Variants in TAF1L observed in about 807,000 individuals in gnomAD.
TAF1L encodes TATA-box binding protein associated factor 1 like.
A neutral mutation model predicts 128.8 loss-of-function variants in TAF1L; 30 were observed. That is an observed-to-expected ratio of 0.23 (90% confidence interval 0.17 to 0.32). The LOEUF (loss-of-function observed/expected upper bound fraction) is 0.32, where lower values mean the gene tolerates loss of function less well. Among genes scored for constraint, TAF1L ranks in the 10% least tolerant of loss-of-function variants. The pLI, the probability that TAF1L is intolerant of heterozygous loss-of-function variation, is 1.00. For synonymous variants in TAF1L, 764 were observed against 790.7 expected, an observed-to-expected ratio of 0.97 and a Z score of 0.57; for missense variants, 2,099 against 2,253.7, an observed-to-expected ratio of 0.93 and a Z score of 1.39.
Position 32,634,593 on chromosome 9 carries a change from T to C in TAF1L, c.987A>G (p.Glu329=), listed in dbSNP as rs758055065. The change falls in exon 1 of 1, where the codon GAA becomes GAG. Residue 329 remains glutamate (E), a synonymous_variant. Transcript: ENST00000242310. Reference sequence around the variant, plus strand: ...ACTCCACAGGAACCATCATCGTGATTTCATCATCAGCGAGACACTGCTCTG... The same window carrying C: ...ACTCCACAGGAACCATCATCGTGATCTCATCATCAGCGAGACACTGCTCTG... ...PPPEQCLADD[E]ITMMVPVESK... The C allele has an allele frequency of 9.9e-6, 16 of 1,614,058 alleles. No individual in the cohort carries two copies. The African/African-American group carries it at 1.6e-4, about 16-fold the overall frequency.
Position 32,630,535 on chromosome 9 carries a change from G to A in TAF1L, c.5045C>T (p.Ser1682Phe), listed in dbSNP as rs1202949606. The change falls in exon 1 of 1, where the codon TCT becomes TTT. Residue 1682 changes from serine to phenylalanine, a missense_variant. Coordinates refer to ENST00000242310, the MANE Select transcript of TAF1L (RefSeq NM_153809.2). ...NTSLSTSRDA[S>F]VFQDESNLSV... ...CAAATTGCTCTCATCTTGAAATACA[G>A]AGGCATCTCGAGACGTACTGAGGGA... is the stretch of plus-strand genomic sequence containing the variant. The A allele has an allele frequency of 3.1e-6, 5 of 1,614,074 alleles. No homozygotes were observed. The Admixed American group carries it at 5.0e-5, about 16-fold the overall frequency.
chr9:32,630,062 C>T lies in TAF1L; in HGVS notation c.*37G>A, dbSNP rs1489400374. 6.2e-7 allele frequency: 1 copy of T among 1,611,550 alleles called. No individual in the cohort carries two copies. Among genetic ancestry groups the T allele is most frequent in the East Asian group, 2.2e-5 (1 of 44,848 alleles). On this transcript the variant is annotated 3_prime_UTR_variant, in exon 1 of 1. Coordinates refer to ENST00000242310, the MANE Select transcript of TAF1L (RefSeq NM_153809.2). ...TGCTATCCTCCAAATCATGGGAAGC[C>T]TCCCCACCGTCTCCCTCATGGGACA...
In TAF1L at chr9:32,632,321, G is replaced by C; in HGVS notation, c.3259C>G (p.Arg1087Gly). The change falls in exon 1 of 1, where the codon CGT becomes GGT. Residue 1087 changes from arginine to glycine, a missense_variant. Transcript: ENST00000242310. The surrounding 1 kb of genome is among the most constrained non-coding windows in gnomAD (Gnocchi z 4.4). ...ACCTTGTTCTGTAGGTCAAAGATAC[G>C]CTGACATTCCTCTTTGTAACGCTCT... Reference protein sequence around the residue: ...HQERYKEECQRIFDLQNKVLS... With the variant: ...HQERYKEECQGIFDLQNKVLS... 2 of 1,614,174 alleles carry C rather than the reference G, an allele frequency of 1.2e-6. No homozygotes were observed. The highest frequency in any genetic ancestry group is 1.7e-6 in the Non-Finnish European group (2 of 1,180,042).
At position 32,630,718 on chromosome 9, in the gene TAF1L, T is replaced by C; in HGVS notation, c.4862A>G (p.Gln1621Arg). ...ATGCTCATCATACTCAGTAATTGTC[T>C]GGTAACAGATGTTCACAATCTCCTG... ...TAQEIVNICY[Q>R]TITEYDEHLT... is the part of the protein sequence containing the mutation. The change falls in exon 1 of 1, where the codon CAG becomes CGG. Residue 1621 changes from glutamine (Q) to arginine (R), a missense_variant. Physicochemically the swap from Gln to Arg is conservative, Grantham distance 43. Transcript: ENST00000242310. 1 of 1,614,224 alleles carries C rather than the reference T, an allele frequency of 6.2e-7. No homozygotes were observed. Among genetic ancestry groups the C allele is most frequent in the Non-Finnish European group, 8.5e-7 (1 of 1,180,042 alleles).
Position 32,630,081 on chromosome 9 carries a change from T to C in TAF1L, c.*18A>G. 2 of 1,613,948 alleles carry C rather than the reference T, an allele frequency of 1.2e-6. No homozygotes were observed. The highest frequency in any genetic ancestry group is 8.5e-7 in the Non-Finnish European group (1 of 1,179,924). On this transcript the variant is annotated 3_prime_UTR_variant, in exon 1 of 1. Transcript: ENST00000242310. ...GGAAGCCTCCCCACCGTCTCCCTCA[T>C]GGGACATCATGCTTTCTTCATTTTC...
chr9:32,635,646 A>G lies in TAF1L; in HGVS notation c.-67T>C. 1 of 1,186,812 alleles carries G rather than the reference A, an allele frequency of 8.4e-7. No individual in the cohort carries two copies. Among genetic ancestry groups the G allele is most frequent in the Non-Finnish European group, 1.1e-6 (1 of 907,504 alleles). 73.5% of individuals were successfully genotyped at this position (1,186,812 alleles called of 1,614,324 possible). ...TAGCTCCCTTACCCTACCAGCGTCT[A>G]CCGGAAGCTGAATAAAGGCGGGGGG... On this transcript the variant is annotated 5_prime_UTR_variant, in exon 1 of 1. Coordinates refer to ENST00000242310, the MANE Select transcript of TAF1L (RefSeq NM_153809.2).
rs1037494231 is a variant in TAF1L, at chr9:32,631,658, G to A, written c.3922C>T (p.Pro1308Ser). ...CPLYYQTNVP[P>S]SKPVAMTEEQ... ...TCTGTCATGGCAACAGGTTTCGAAG[G>A]TGGCACATTTGTTTGATAATAGAGG... Residue 1308 changes from proline to serine, a missense_variant, in exon 1 of 1, where the codon CCT (proline) becomes TCT (serine). By Grantham distance (74) the Pro-to-Ser change is moderately conservative. This residue lies in a region of TAF1L where 1,213 missense variants were observed against 1,391.4 expected (regional missense o/e 0.87). Coordinates refer to ENST00000242310, the MANE Select transcript of TAF1L (RefSeq NM_153809.2). The surrounding 1 kb of genome is among the most constrained non-coding windows in gnomAD (Gnocchi z 4.1). 6.2e-7 allele frequency: 1 copy of A among 1,614,124 alleles called. No individual in the cohort carries two copies. The highest frequency in any genetic ancestry group is 8.5e-7 in the Non-Finnish European group (1 of 1,180,026).
Position 32,633,061 on chromosome 9 carries a change from C to T in TAF1L, c.2519G>A (p.Arg840Gln), listed in dbSNP as rs546961616. The change falls in exon 1 of 1, where the codon CGG (arginine) becomes CAG (glutamine). Residue 840 changes from arginine (R) to glutamine (Q), a missense_variant. Arg to Gln is a conservative substitution (Grantham distance 43). Transcript: ENST00000242310. ...IYRLFWKSKD[R>Q]PRRIRMEDIK... Reference sequence around the variant, plus strand: ...ATCTTCCATTCGTATCCTCCGTGGCCGATCTTTACTCTTCCAGAAAAGGCG... The same window carrying T: ...ATCTTCCATTCGTATCCTCCGTGGCTGATCTTTACTCTTCCAGAAAAGGCG... 3.7e-6 allele frequency: 6 copies of T among 1,614,004 alleles called. No homozygotes were observed. Among genetic ancestry groups the T allele is most frequent in the African/African-American group, 2.7e-5 (2 of 74,874 alleles).
At position 32,633,112 on chromosome 9, in the gene TAF1L, C is replaced by T. The variant is rs756140610; in HGVS notation, c.2468G>A (p.Arg823Gln). 11 of 1,614,168 alleles carry T rather than the reference C, an allele frequency of 6.8e-6. No homozygotes were observed. The highest frequency in any genetic ancestry group is 1.7e-5 in the Admixed American group (1 of 60,018). Residue 823 changes from arginine (R) to glutamine (Q), a missense_variant, in exon 1 of 1, where the codon CGA (arginine) becomes CAA (glutamine). This residue lies in a region of TAF1L where 1,213 missense variants were observed against 1,391.4 expected (regional missense o/e 0.87). Transcript: ENST00000242310. ...PNSRRANMHI[R>Q]DFLQVFIYRL... Reference sequence around the variant, plus strand: ...GTAAATAAAAACCTGTAGAAAGTCTCGAATATGCATATTGGCCCTTCTGGA... The same window carrying T: ...GTAAATAAAAACCTGTAGAAAGTCTTGAATATGCATATTGGCCCTTCTGGA...
In TAF1L at chr9:32,634,576, G is replaced by A. The variant is rs1458155836; in HGVS notation, c.1004C>T (p.Pro335Leu). The change falls in exon 1 of 1, where the codon CCT becomes CTT. Residue 335 changes from proline to leucine, a missense_variant. Around this residue, in one of 4 missense-constraint regions of TAF1L, gnomAD observed 473 missense variants for 429.6 expected, o/e 1.10. Coordinates refer to ENST00000242310, the MANE Select transcript of TAF1L (RefSeq NM_153809.2). ...LADDEITMMVPVESKFSQSTG... is the reference protein window; with the variant it reads ...LADDEITMMVLVESKFSQSTG... The stretch of plus-strand genomic sequence containing the variant: ...TGATTGGGAAAATTTGGACTCCACA[G>A]GAACCATCATCGTGATTTCATCATC... 1 of 1,614,038 alleles carries A rather than the reference G, an allele frequency of 6.2e-7. No individual in the cohort carries two copies. The highest frequency in any genetic ancestry group is 8.5e-7 in the Non-Finnish European group (1 of 1,180,044).
Position 32,633,288 on chromosome 9 carries a change from G to A in TAF1L, c.2292C>T (p.Asn764=). Residue 764 remains asparagine, a synonymous_variant, in exon 1 of 1, where the codon AAC becomes AAT. Coordinates refer to ENST00000242310, the MANE Select transcript of TAF1L (RefSeq NM_153809.2). ...GATACACTGGAGCACGAAAAAGGTTGTTCTCAAGTGCCTGCAGTAATTGGC... is the reference window on the plus strand; with the variant it reads ...GATACACTGGAGCACGAAAAAGGTTATTCTCAAGTGCCTGCAGTAATTGGC... The part of the protein sequence containing the change: ...HPGQLLQALE[N]NLFRAPVYLH... 1 of 1,614,216 alleles carries A rather than the reference G, an allele frequency of 6.2e-7. No individual in the cohort carries two copies. The highest frequency in any genetic ancestry group is 8.5e-7 in the Non-Finnish European group (1 of 1,180,046).
rs1822503943 is a variant in TAF1L at position 32,630,547 on chromosome 9, G to C, written c.5033C>G (p.Ser1678Cys). The change falls in exon 1 of 1, where the codon TCT (serine) becomes TGT (cysteine). Residue 1678 changes from serine to cysteine, a missense_variant. Coordinates refer to ENST00000242310, the MANE Select transcript of TAF1L (RefSeq NM_153809.2). ...ATCTTGAAATACAGAGGCATCTCGAGACGTACTGAGGGATGTGTTGGTATC... is the reference window on the plus strand; with the variant it reads ...ATCTTGAAATACAGAGGCATCTCGACACGTACTGAGGGATGTGTTGGTATC... ...MYDTNTSLSTSRDASVFQDES... is the reference protein window; with the variant it reads ...MYDTNTSLSTCRDASVFQDES... 6.2e-7 allele frequency: 1 copy of C among 1,614,214 alleles called. No homozygotes were observed. The highest frequency in any genetic ancestry group is 8.5e-7 in the Non-Finnish European group (1 of 1,180,054).
Position 32,632,573 on chromosome 9 carries a change from C to A in TAF1L, c.3007G>T (p.Val1003Leu). Residue 1003 changes from valine to leucine, a missense_variant, in exon 1 of 1, where the codon GTG (valine) becomes TTG (leucine). By Grantham distance (32) the Val-to-Leu change is conservative. Transcript: ENST00000242310. The surrounding 1 kb of genome is among the most constrained non-coding windows in gnomAD (Gnocchi z 4.4). ...QQKDDKEPQA[V>L]KKTVTGTDAD... ...TCTGTTCCTGTCACTGTCTTCTTCA[C>A]TGCCTGTGGCTCTTTATCATCCTTC... 3.7e-6 allele frequency: 6 copies of A among 1,614,250 alleles called. No individual in the cohort carries two copies. Among genetic ancestry groups the A allele is most frequent in the Non-Finnish European group, 5.1e-6 (6 of 1,180,052 alleles).
rs769507821 is a variant in TAF1L at position 32,634,245 on chromosome 9, T to C, written c.1335A>G (p.Thr445=). The C allele has an allele frequency of 6.2e-7, 1 of 1,614,226 alleles. No homozygotes were observed. The highest frequency in any genetic ancestry group is 8.5e-7 in the Non-Finnish European group (1 of 1,180,038). The part of the protein sequence containing the change: ...WDGEDIKHKG[T]KPQGASLAGW... ...CTGCCAGGCTTGCACCCTGAGGTTT[T>C]GTCCCTTTGTGTTTGATATCCTCCC... The change falls in exon 1 of 1, where the codon ACA becomes ACG. Residue 445 remains threonine, a synonymous_variant. Transcript: ENST00000242310.
rs1353537232 is a variant in TAF1L at position 32,631,625 on chromosome 9, C to T, written c.3955G>A (p.Glu1319Lys). The T allele has an allele frequency of 6.2e-7, 1 of 1,614,204 alleles. No homozygotes were observed. Among genetic ancestry groups the T allele is most frequent in the Non-Finnish European group, 8.5e-7 (1 of 1,180,036 alleles). Reference protein sequence around the residue: ...SKPVAMTEEQEEELEKTVIHN... With the variant: ...SKPVAMTEEQKEELEKTVIHN... ...ATGACTGTCTTTTCCAACTCCTCCT[C>T]CTGCTCTTCTGTCATGGCAACAGGT... is the stretch of plus-strand genomic sequence containing the variant. Residue 1319 changes from glutamate to lysine, a missense_variant, in exon 1 of 1, where the codon GAG becomes AAG. This residue lies in a region of TAF1L where 1,213 missense variants were observed against 1,391.4 expected (regional missense o/e 0.87). Coordinates refer to ENST00000242310, the MANE Select transcript of TAF1L (RefSeq NM_153809.2). The surrounding 1 kb of genome is among the most constrained non-coding windows in gnomAD (Gnocchi z 4.1).
Position 32,634,265 on chromosome 9 carries a change from C to A in TAF1L, c.1315G>T (p.Asp439Tyr). The A allele has an allele frequency of 6.2e-7, 1 of 1,614,180 alleles. No homozygotes were observed. Among genetic ancestry groups the A allele is most frequent in the Non-Finnish European group, 8.5e-7 (1 of 1,180,032 alleles). ...GGTTTTGTCCCTTTGTGTTTGATAT[C>A]CTCCCCATCCCAGATGATAGAATCC... The part of the protein sequence containing the change: ...WEDSIIWDGE[D>Y]IKHKGTKPQG... Residue 439 changes from aspartate (D) to tyrosine (Y), a missense_variant, in exon 1 of 1, where the codon GAT (aspartate) becomes TAT (tyrosine). Asp to Tyr is a radical substitution (Grantham distance 160, BLOSUM62 -3). Coordinates refer to ENST00000242310, the MANE Select transcript of TAF1L (RefSeq NM_153809.2).
chr9:32,633,319 T>G lies in TAF1L; in HGVS notation c.2261A>C (p.His754Pro). 1.9e-6 allele frequency: 3 copies of G among 1,614,240 alleles called. No homozygotes were observed. Among genetic ancestry groups the G allele is most frequent in the Non-Finnish European group, 2.5e-6 (3 of 1,180,048 alleles). ...CHTSPFLGSLHPGQLLQALEN... is the reference protein window; with the variant it reads ...CHTSPFLGSLPPGQLLQALEN... ...AAGTGCCTGCAGTAATTGGCCAGGATGGAGAGAGCCCAAGAAAGGAGATGT... is the reference window on the plus strand; with the variant it reads ...AAGTGCCTGCAGTAATTGGCCAGGAGGGAGAGAGCCCAAGAAAGGAGATGT... Residue 754 changes from histidine (H) to proline (P), a missense_variant, in exon 1 of 1, where the codon CAT (histidine) becomes CCT (proline). His to Pro is a moderately conservative substitution (Grantham distance 77). This residue lies in a region of TAF1L where 1,213 missense variants were observed against 1,391.4 expected (regional missense o/e 0.87). Coordinates refer to ENST00000242310, the MANE Select transcript of TAF1L (RefSeq NM_153809.2).
rs1276672131 is a variant in TAF1L, at chr9:32,635,357, T to G, written c.223A>C (p.Ser75Arg). Residue 75 changes from serine to arginine, a missense_variant, in exon 1 of 1, where the codon AGC becomes CGC. Physicochemically the swap from Ser to Arg is moderately radical, Grantham distance 110 (BLOSUM62 -1). This residue lies in a region of TAF1L where 473 missense variants were observed against 429.6 expected (regional missense o/e 1.10). Transcript: ENST00000242310. The part of the protein sequence containing the change: ...LAGLGALGLG[S>R]LITELTANEE... Reference sequence around the variant, plus strand: ...TTTGCCGTGAGTTCAGTGATTAGGCTGCCCAGCCCCAAAGCCCCCAAGCCT... The same window carrying G: ...TTTGCCGTGAGTTCAGTGATTAGGCGGCCCAGCCCCAAAGCCCCCAAGCCT... 3.1e-6 allele frequency: 5 copies of G among 1,614,066 alleles called. No individual in the cohort carries two copies. The highest frequency in any genetic ancestry group is 3.4e-6 in the Non-Finnish European group (4 of 1,180,030).
rs374766892 is a variant in TAF1L at position 32,630,738 on chromosome 9, C to A, written c.4842G>T (p.Glu1614Asp). The A allele has an allele frequency of 9.3e-6, 15 of 1,614,216 alleles. No homozygotes were observed. In the African/African-American group the frequency reaches 1.7e-4, roughly 19 times the overall value. The change falls in exon 1 of 1, where the codon GAG becomes GAT. Residue 1614 changes from glutamate to aspartate, a missense_variant. By Grantham distance (45) the Glu-to-Asp change is conservative (BLOSUM62 2). This residue lies in a region of TAF1L where 404 missense variants were observed against 406.5 expected (regional missense o/e 0.99). Transcript: ENST00000242310. ...PESQYTKTAQ[E>D]IVNICYQTIT... ...TTGTCTGGTAACAGATGTTCACAAT[C>A]TCCTGAGCAGTCTTAGTGTACTGAC...
Sources: gnomAD v4.1 joint callset for allele counts on GRCh38, gnomAD v4.1.1 for gene constraint, gnomAD v4.1.1 regional missense constraint, Gnocchi (gnomAD v3.1) non-coding constraint, MANE v1.5 for transcripts, NCBI Gene and HGNC (gene_info 2026-07-23, HGNC 2026-07-21) for gene names.